Variants in BAP1 observed in about 807,000 individuals in gnomAD.
BAP1 encodes BRCA1 associated deubiquitinase 1.
Under a neutral mutation model 77.2 loss-of-function variants are expected in BAP1, and 16 were observed. The ratio of observed to expected loss-of-function variants is 0.21; its 90% CI spans 0.14 to 0.31. The LOEUF is 0.31. Among genes scored for constraint, BAP1 ranks in the 10% least tolerant of loss-of-function variants. The probability of loss-of-function intolerance (pLI) is 1.00; values close to 1 mark genes in which losing one functional copy is unlikely to be tolerated. For missense variants in BAP1, 699 were observed against 967.3 expected (o/e 0.72, Z 3.68); for synonymous variants, 362 against 385.2 (o/e 0.94, Z 0.71).
intron 10 of BAP1, chr3:52,405,513 A>C: frequency 3.2e-6 from 2 of 625,406 alleles, no homozygotes; most frequent in South Asian, 4.4e-5. Context: ...AAAAAAAAAA[A>C]AAAAAAAACC....
Position 52,405,246 on chromosome 3 carries a change from C to T in BAP1, c.980G>A (p.Ser327Asn), listed in dbSNP as rs2153227065. The change falls in exon 11 of 17, where the codon AGC becomes AAC. Residue 327 changes from serine to asparagine, a missense_variant. Physicochemically the swap from Ser to Asn is conservative, Grantham distance 46. This residue lies in a region of BAP1 where 475 missense variants were observed against 532.4 expected (regional missense o/e 0.89). Coordinates refer to ENST00000460680, the MANE Select transcript of BAP1 (RefSeq NM_004656.4). ...CACTAGCTTGGGTTTGTTGGGAGGG[C>T]TGTGGGATGGGGCTTGTGCGCATGA... ...AGSCAQAPSH[S>N]PPNKPKLVVK... The T allele has an allele frequency of 1.2e-6, 2 of 1,614,014 alleles. No homozygotes were observed. The highest frequency in any genetic ancestry group is 1.7e-6 in the Non-Finnish European group (2 of 1,180,014).
At chr3:52,404,018 C>T (rs928686554) in intron 12 of BAP1, 124 bp from the exon 13 acceptor site, 2 of 1,002,764 alleles carry the variant, frequency 2.0e-6, no homozygotes, top group Non-Finnish European at 3.0e-6. Context: ...TATACTTGGT[C>T]CAAGCAACTT....
At position 52,402,704 on chromosome 3, in the gene BAP1, G is replaced by A. The variant is rs1287258309; in HGVS notation, c.1984-30C>T. 6.2e-7 allele frequency: 1 copy of A among 1,613,986 alleles called. No individual in the cohort carries two copies. Among genetic ancestry groups the A allele is most frequent in the Non-Finnish European group, 8.5e-7 (1 of 1,179,922 alleles). On this transcript the variant is annotated intron_variant, in intron 15 of 16. Transcript: ENST00000460680. The surrounding 1 kb of genome is among the most constrained non-coding windows in gnomAD (Gnocchi z 5.3). ...AGGAGAGAAGAAGACTGAGAGCACTGGAGCCAATCTTGCCAGAGCAGCCAC... is the reference window on the plus strand; with the variant it reads ...AGGAGAGAAGAAGACTGAGAGCACTAGAGCCAATCTTGCCAGAGCAGCCAC...
At position 52,409,963 on chromosome 3, in the gene BAP1, G is replaced by C; in HGVS notation, c.-85C>G. 6.5e-7 allele frequency: 1 copy of C among 1,538,416 alleles called. No homozygotes were observed. The highest frequency in any genetic ancestry group is 1.4e-5 in the African/African-American group (1 of 73,458). The stretch of plus-strand genomic sequence containing the variant: ...CACCGGGAGCCCCCACCGCCCCCGG[G>C]GCCCCTCAGTCCCACACACAGACAA... On this transcript the variant is annotated 5_prime_UTR_variant, in exon 1 of 17. Transcript: ENST00000460680.
Position 52,406,165 on chromosome 3 carries a change from A to G in BAP1, c.783+88T>C. ...CCCAGATCTACAAGAGAGTATGTTC[A>G]CGAATCAGAGACAAATGCTGTGGGG... is the stretch of plus-strand genomic sequence containing the variant. On this transcript the variant is annotated intron_variant, in intron 9 of 16. Coordinates refer to ENST00000460680, the MANE Select transcript of BAP1 (RefSeq NM_004656.4). This position sits in a 1 kb window ranked among gnomAD's most constrained non-coding sequence, Gnocchi z 4.6. The G allele has an allele frequency of 6.2e-7, 1 of 1,605,066 alleles. No homozygotes were observed. Among genetic ancestry groups the G allele is most frequent in the Non-Finnish European group, 8.5e-7 (1 of 1,174,680 alleles).
At position 52,402,715 on chromosome 3, in the gene BAP1, T is replaced by G; in HGVS notation, c.1984-41A>C. 6.2e-7 allele frequency: 1 copy of G among 1,614,102 alleles called. No homozygotes were observed. Among genetic ancestry groups the G allele is most frequent in the East Asian group, 2.2e-5 (1 of 44,886 alleles). ...AGACTGAGAGCACTGGAGCCAATCT[T>G]GCCAGAGCAGCCACCAGTGGACCTC... On this transcript the variant is annotated intron_variant, in intron 15 of 16. Transcript: ENST00000460680. The surrounding 1 kb of genome is among the most constrained non-coding windows in gnomAD (Gnocchi z 5.3).
chr3:52,407,869 C>A, intron 5 of BAP1, 89 bp downstream of exon 5: 1 of 1,579,302 alleles, frequency 6.3e-7, no homozygotes, highest in Non-Finnish European at 8.7e-7. Context: ...CCTAATAGTA[C>A]CCAATATCAT....
At position 52,403,520 on chromosome 3, in the gene BAP1, T is replaced by A. The variant is rs2153226632; in HGVS notation, c.1625A>T (p.Asp542Val). ...GACAGCACGGTTGTAGCGTATGCAG[T>A]CAACACGCAGCAGGCTGTCATCCTC... is the stretch of plus-strand genomic sequence containing the variant. ...FGEDDSLLRV[D>V]CIRYNRAVRD... is the part of the protein sequence containing the mutation. Residue 542 changes from aspartate (D) to valine (V), a missense_variant, in exon 13 of 17, where the codon GAC (aspartate) becomes GTC (valine). By Grantham distance (152) the Asp-to-Val change is radical. This residue lies in a region of BAP1 where 475 missense variants were observed against 532.4 expected (regional missense o/e 0.89). Transcript: ENST00000460680. The surrounding 1 kb of genome is among the most constrained non-coding windows in gnomAD (Gnocchi z 4.0). 6.2e-7 allele frequency: 1 copy of A among 1,614,040 alleles called. No homozygotes were observed. The highest frequency in any genetic ancestry group is 8.5e-7 in the Non-Finnish European group (1 of 1,179,988).
chr3:52,409,827 C>A lies in BAP1; in HGVS notation c.37+15G>T. ...CGGCCTCCCCAGCCCCTGGCCCTCC[C>A]GGTCCCCTCCTCACCTGGGTCGCTC... On this transcript the variant is annotated intron_variant, in intron 1 of 16. Transcript: ENST00000460680. The A allele has an allele frequency of 1.9e-6, 3 of 1,612,612 alleles. 1 individual carries two copies. In the Middle Eastern group the frequency reaches 5.0e-4, roughly 270 times the overall value.
In BAP1 at chr3:52,406,364, G is replaced by A. The variant is rs756217463; in HGVS notation, c.672C>T (p.His224=). 118 of 1,613,692 alleles carry A rather than the reference G, an allele frequency of 7.3e-5. No individual in the cohort carries two copies. Among genetic ancestry groups the A allele is most frequent in the Admixed American group, 1.8e-4 (11 of 60,006 alleles). The change falls in exon 9 of 17, where the codon CAC becomes CAT. Residue 224 remains histidine, a synonymous_variant. Coordinates refer to ENST00000460680, the MANE Select transcript of BAP1 (RefSeq NM_004656.4). The surrounding 1 kb of genome is among the most constrained non-coding windows in gnomAD (Gnocchi z 4.6). ...CTGCCATCAGGTTGAAGCGGATGTCGTGGTAGGGCTCCCTGCAGTCACAGC... is the reference window on the plus strand; with the variant it reads ...CTGCCATCAGGTTGAAGCGGATGTCATGGTAGGGCTCCCTGCAGTCACAGC... ...IGLATAGEPY[H]DIRFNLMAVV...
intron 5 of BAP1, 25 bp downstream of exon 5, chr3:52,407,933 C>T (rs1705217843): frequency 6.2e-7 from 1 of 1,612,656 alleles, no homozygotes; most frequent in Admixed American, 1.7e-5. Context: ...TGGCTGTGAG[C>T]CAGGATGAAG....
rs1704975466 is a variant in BAP1 at position 52,402,150 on chromosome 3, G to A, written c.*138C>T. ...GGGCACGATGGAAGGAATGTGGCCT[G>A]GTTCCTCCCATTCCCAGGGCCTGGA... On this transcript the variant is annotated 3_prime_UTR_variant, in exon 17 of 17. Transcript: ENST00000460680. The surrounding 1 kb of genome is among the most constrained non-coding windows in gnomAD (Gnocchi z 5.3). The A allele has an allele frequency of 7.2e-7, 1 of 1,392,138 alleles. No individual in the cohort carries two copies. The highest frequency in any genetic ancestry group is 2.5e-5 in the East Asian group (1 of 39,888). 86.2% of individuals were successfully genotyped at this position (1,392,138 alleles called of 1,614,324 possible). A position where few individuals can be genotyped will look rare whatever the true frequency, so the allele number is the denominator to read the frequency against.
In BAP1 at chr3:52,408,189, C is replaced by T. The variant is rs3821840; in HGVS notation, c.256-112G>A. ...AGGTCAGTCATATCTGGACAACTCCCCTTCTCAGCTCCTTTCATCTTTGCC... is the reference window on the plus strand; with the variant it reads ...AGGTCAGTCATATCTGGACAACTCCTCTTCTCAGCTCCTTTCATCTTTGCC... On this transcript the variant is annotated intron_variant, in intron 4 of 16. Transcript: ENST00000460680. 2,034 of 1,494,476 alleles carry T rather than the reference C, an allele frequency of 1.4e-3. 49 individuals carry two copies. The East Asian group carries it at 0.046, about 34-fold the overall frequency. 92.6% of individuals were successfully genotyped at this position (1,494,476 alleles called of 1,614,324 possible). A position where few individuals can be genotyped will look rare whatever the true frequency, so the allele number is the denominator to read the frequency against.
chr3:52,402,291 C>A lies in BAP1; in HGVS notation c.2187G>T (p.Gln729His), dbSNP rs1341689711. ...GCAGAGTCAGGGCCAGCAGTCCTCA[C>A]TGGCGCTTGGCCTTGTAGGGGCGAG... ...KRSRPYKAKR[Q>H] Residue 729 changes from glutamine (Q) to histidine (H), a missense_variant, in exon 17 of 17, where the codon CAG (glutamine) becomes CAT (histidine). This residue lies in a region of BAP1 where 64 missense variants were observed against 112.1 expected (regional missense o/e 0.57). Coordinates refer to ENST00000460680, the MANE Select transcript of BAP1 (RefSeq NM_004656.4). This position sits in a 1 kb window ranked among gnomAD's most constrained non-coding sequence, Gnocchi z 5.3. The A allele has an allele frequency of 6.2e-7, 1 of 1,601,192 alleles. No homozygotes were observed. The highest frequency in any genetic ancestry group is 8.5e-7 in the Non-Finnish European group (1 of 1,175,492).
chr3:52,409,437 T>C, intron 3 of BAP1, 117 bp downstream of exon 3: 1 of 1,365,812 alleles, frequency 7.3e-7, no homozygotes, highest in Non-Finnish European at 1.0e-6. Flanking sequence ...GCTGCTGCTT[T>C]CTGTGAGATT....
At position 52,401,960 on chromosome 3, in the gene BAP1, T is replaced by C. The variant is rs370476271; in HGVS notation, c.*328A>G. On this transcript the variant is annotated 3_prime_UTR_variant, in exon 17 of 17. Coordinates refer to ENST00000460680, the MANE Select transcript of BAP1 (RefSeq NM_004656.4). ...CATGTTGGGTTGGAGCCCAGAAAAATAGATGTCTCTGATAGGTAAAATATA... is the reference window on the plus strand; with the variant it reads ...CATGTTGGGTTGGAGCCCAGAAAAACAGATGTCTCTGATAGGTAAAATATA... 8.6e-5 allele frequency: 40 copies of C among 462,866 alleles called. No individual in the cohort carries two copies. The highest frequency in any genetic ancestry group is 1.9e-4 in the African/African-American group (10 of 51,926). 28.7% of individuals were successfully genotyped at this position (462,866 alleles called of 1,614,324 possible). A position where few individuals can be genotyped will look rare whatever the true frequency, so the allele number is the denominator to read the frequency against.
Position 52,402,531 on chromosome 3 carries a change from CA to C in BAP1, c.2056+70del. 6.2e-7 allele frequency: 1 copy of C among 1,612,268 alleles called. No homozygotes were observed. Among genetic ancestry groups the C allele is most frequent in the Non-Finnish European group, 8.5e-7 (1 of 1,178,678 alleles). ...GGTCTGCTCAAGCCTCAGGAGAGGC[CA>C]GGGGAGGGGAGCTGAAGGACACGGC... is the stretch of plus-strand genomic sequence containing the variant. On this transcript the variant is annotated intron_variant, in intron 16 of 16. Transcript: ENST00000460680. This position sits in a 1 kb window ranked among gnomAD's most constrained non-coding sequence, Gnocchi z 5.3.
rs374877961 is a variant in BAP1, at chr3:52,409,574, G to A, written c.102C>T (p.Asp34=). Residue 34 remains aspartate, a synonymous_variant, in exon 3 of 17, where the codon GAC becomes GAT. Transcript: ENST00000460680. ...VKGVQVEEIY[D]LQSKCQGPVY... ...CTCACCCCTGACATTTGCTCTGAAG[G>A]TCGTAGATCTCCTCCACTTGCACCC... is the stretch of plus-strand genomic sequence containing the variant. The A allele has an allele frequency of 1.2e-6, 2 of 1,614,088 alleles. No individual in the cohort carries two copies. Among genetic ancestry groups the A allele is most frequent in the African/African-American group, 1.3e-5 (1 of 74,914 alleles).
At chr3:52,408,445 C>A (rs368029207) in intron 4 of BAP1, 29 bp downstream of exon 4, 1 of 1,607,850 alleles carries the variant, frequency 6.2e-7, no homozygotes, top group South Asian at 1.1e-5. Flanking sequence ...GCATCCCACC[C>A]TCCAAACAAA....
Sources: gnomAD v4.1 joint callset for allele counts on GRCh38, gnomAD v4.1.1 for gene constraint, gnomAD v4.1.1 regional missense constraint, Gnocchi (gnomAD v3.1) non-coding constraint, MANE v1.5 for transcripts, NCBI Gene and HGNC (gene_info 2026-07-23, HGNC 2026-07-21) for gene names.